Variants in MUC12 observed in about 807,000 individuals in gnomAD.
The protein encoded by MUC12 is mucin-12.
MUC12 carries 172 observed loss-of-function variants against 230.8 expected under a neutral mutation model. The observed-to-expected ratio is 0.75, with a 90% CI of 0.66 to 0.85. The LOEUF is 0.85. Among genes scored for constraint, MUC12 ranks in the 40% least tolerant of loss-of-function variants. The pLI, the probability that MUC12 is intolerant of heterozygous loss-of-function variation, is 0.00. For missense variants in MUC12, 3,506 were observed against 5,920.6 expected (o/e 0.59, Z 13.38); for synonymous variants, 1,259 against 2,401.9 (o/e 0.52, Z 13.91).
chr7:101,010,746 C>A (rs1200443138), intron 5 of MUC12, among the ~76,000 whole-genome samples: 1 of 152,070 alleles, frequency 6.6e-6, no homozygotes, highest in Non-Finnish European at 1.5e-5. Flanking sequence ...AACTCCTGAC[C>A]TCAAGTGATC....
chr7:101,015,189 A>C (rs1793896768), intron 9 of MUC12: 1 of 180,834 alleles, frequency 5.5e-6, no homozygotes, highest in South Asian at 1.3e-4. Context: ...GTAGTTAGTT[A>C]TCACTCACCT....
chr7:101,011,462 T>C (rs745579313), intron 5 of MUC12, among the ~76,000 whole-genome samples: 28 of 152,228 alleles, frequency 1.8e-4, no homozygotes, highest in Non-Finnish European at 4.0e-4. Flanking sequence ...GGTCTTGCTC[T>C]GTTGCCTGAA....
chr7:101,004,840 C>A lies in MUC12; in HGVS notation c.14277C>A (p.Ser4759Arg). Residue 4759 changes from serine to arginine, a missense_variant, in exon 2 of 12, where the codon AGC becomes AGA. By Grantham distance (110) the Ser-to-Arg change is moderately radical. Transcript: ENST00000536621. Reference sequence around the variant, plus strand: ...CACTCTCACCTGCCAGCATGACAAGCTCCAGCATCAGTGGAGAACCCACCA... The same window carrying A: ...CACTCTCACCTGCCAGCATGACAAGATCCAGCATCAGTGGAGAACCCACCA... ...DQTLSPASMT[S>R]SSISGEPTSL... is the part of the protein sequence containing the mutation. 2 of 1,537,142 alleles carry A rather than the reference C, an allele frequency of 1.3e-6. No individual in the cohort carries two copies. The highest frequency in any genetic ancestry group is 2.7e-5 in the African/African-American group (2 of 73,106).
chr7:100,981,431 C>A, intron 1 of MUC12: 1 of 614,210 alleles, frequency 1.6e-6, no homozygotes, highest in South Asian at 1.8e-5. Flanking sequence ...GATGGCAGAG[C>A]CGAGGGCTTT....
At chr7:100,990,598 A>G (rs1450680025) in intron 1 of MUC12, 33 bp from the exon 2 acceptor site, 18 of 1,536,970 alleles carry the variant, frequency 1.2e-5, no homozygotes, top group Non-Finnish European at 1.6e-5. Flanking sequence ...GTCATAAATC[A>G]TAGCACTTTC....
chr7:100,987,169 C>T (rs79045639), intron 1 of MUC12, among the ~76,000 whole-genome samples: 14,362 of 149,354 alleles, frequency 0.096, 1,116 homozygotes, highest in Admixed American at 0.27. Context: ...CTGGTTCAAG[C>T]GACTCTCCTG....
At position 100,992,962 on chromosome 7, in the gene MUC12, T is replaced by C; in HGVS notation, c.2399T>C (p.Ile800Thr). 1.3e-6 allele frequency: 2 copies of C among 1,537,288 alleles called. No homozygotes were observed. The highest frequency in any genetic ancestry group is 1.7e-6 in the Non-Finnish European group (2 of 1,146,998). The change falls in exon 2 of 12, where the codon ATC becomes ACC. Residue 800 changes from isoleucine (I) to threonine (T), a missense_variant. Ile to Thr is a moderately conservative substitution (Grantham distance 89). Coordinates refer to ENST00000536621, the MANE Select transcript of MUC12 (RefSeq NM_001164462.2). The stretch of plus-strand genomic sequence containing the variant: ...CTTGGAGAATCTACGACCTCACCCA[T>C]CAGTTCAGGCTCAATGGAAACGACA... ...VLLGESTTSP[I>T]SSGSMETTAL...
In MUC12 at chr7:100,991,533, T is replaced by A. The variant is rs571182207; in HGVS notation, c.970T>A (p.Leu324Met). The A allele has an allele frequency of 8.1e-5, 125 of 1,537,110 alleles. 2 individuals carry two copies. In the African/African-American group the frequency reaches 1.5e-3, roughly 19 times the overall value. ...TTHFSASSTT[L>M]GHSEESTPVH... Reference sequence around the variant, plus strand: ...CCACTTTTCTGCCAGCTCCACAACCTTGGGCCATAGTGAGGAATCGACACC... The same window carrying A: ...CCACTTTTCTGCCAGCTCCACAACCATGGGCCATAGTGAGGAATCGACACC... Residue 324 changes from leucine to methionine, a missense_variant, in exon 2 of 12, where the codon TTG becomes ATG. By Grantham distance (15) the Leu-to-Met change is conservative. Coordinates refer to ENST00000536621, the MANE Select transcript of MUC12 (RefSeq NM_001164462.2).
chr7:101,008,099 C>T (rs182857828), intron 3 of MUC12, among the ~76,000 whole-genome samples: 10 of 151,420 alleles, frequency 6.6e-5, no homozygotes, highest in Non-Finnish European at 1.0e-4. Context: ...CCACCGCGCC[C>T]GGCCGGTAGC....
intron 9 of MUC12, chr7:101,015,243 A>G: frequency 4.1e-6 from 1 of 241,472 alleles, no homozygotes; most frequent in African/African-American, 2.2e-5. Context: ...GCTGAGATGG[A>G]GCGTCTGGGT....
chr7:100,988,221 A>C (rs1793223869), intron 1 of MUC12, among the ~76,000 whole-genome samples: 1 of 144,464 alleles, frequency 6.9e-6, no homozygotes, highest in African/African-American at 2.6e-5. Context: ...ACTTGAACCC[A>C]GGAGGCGGAG....
At chr7:100,985,048 G>A (rs1793167844) in intron 1 of MUC12, among the ~76,000 whole-genome samples, 2 of 152,154 alleles carry the variant, frequency 1.3e-5, no homozygotes, top group South Asian at 4.2e-4. Flanking sequence ...TGTATTTTTA[G>A]TAGAGATGGG....
At chr7:100,990,426 A>G (rs1793261939) in intron 1 of MUC12, among the ~76,000 whole-genome samples, 1 of 152,138 alleles carries the variant, frequency 6.6e-6, no homozygotes, top group Non-Finnish European at 1.5e-5. Context: ...AAGGTTGGGG[A>G]CTGCTAGTCT....
chr7:101,017,612 C>G lies in MUC12; in HGVS notation c.15915C>G (p.Asn5305Lys), dbSNP rs562943799. The change falls in exon 11 of 12, where the codon AAC becomes AAG. Residue 5305 changes from asparagine to lysine, a missense_variant. By Grantham distance (94) the Asn-to-Lys change is moderately conservative (BLOSUM62 0). Transcript: ENST00000536621. ...GGGAGAGCAGATTCGGCCTTGAGAA[C>G]GCCTACAACAACTTCCGGCCCACCC... is the stretch of plus-strand genomic sequence containing the variant. ...NLRESRFGLE[N>K]AYNNFRPTLE... The G allele has an allele frequency of 1.3e-6, 2 of 1,536,078 alleles. No individual in the cohort carries two copies. The highest frequency in any genetic ancestry group is 2.7e-5 in the African/African-American group (2 of 73,002).
intron 9 of MUC12, 146 bp from the exon 10 acceptor site, chr7:101,015,469 A>T (rs1286489130): frequency 9.1e-6 from 6 of 660,638 alleles, no homozygotes; most frequent in Admixed American, 8.0e-5. Flanking sequence ...TGGTGATGCT[A>T]CTTTTTGTTC....
At chr7:101,010,001 A>C (rs1299665516) in intron 5 of MUC12, among the ~76,000 whole-genome samples, 1 of 152,210 alleles carries the variant, frequency 6.6e-6, no homozygotes, top group Admixed American at 6.5e-5. Flanking sequence ...TAGAGATTGC[A>C]TAAGCAGAAG....
chr7:101,002,893 C>A lies in MUC12; in HGVS notation c.12330C>A (p.Arg4110=), dbSNP rs1368543613. The change falls in exon 2 of 12, where the codon CGC becomes CGA. Residue 4110 remains arginine, a synonymous_variant. Transcript: ENST00000536621. ...AAGTATCCACAACCTACCACAGCCG[C>A]CCGAGCTCAACTCCAACAACACACT... ...PVEVSTTYHS[R]PSSTPTTHFS... The A allele has an allele frequency of 1.5e-5, 18 of 1,199,596 alleles. No individual in the cohort carries two copies. In the Admixed American group the frequency reaches 2.7e-4, roughly 18 times the overall value. 74.3% of individuals were successfully genotyped at this position (1,199,596 alleles called of 1,614,324 possible).
rs1338605144 is a variant in MUC12 at position 100,991,538 on chromosome 7, C to T, written c.975C>T (p.Gly325=). The change falls in exon 2 of 12, where the codon GGC becomes GGT. Residue 325 remains glycine (G), a synonymous_variant. Transcript: ENST00000536621. ...TTTCTGCCAGCTCCACAACCTTGGG[C>T]CATAGTGAGGAATCGACACCAGTCC... ...THFSASSTTL[G]HSEESTPVHS... 4 of 1,537,022 alleles carry T rather than the reference C, an allele frequency of 2.6e-6. No individual in the cohort carries two copies. Among genetic ancestry groups the T allele is most frequent in the Non-Finnish European group, 3.5e-6 (4 of 1,146,326 alleles).
intron 1 of MUC12, among the ~76,000 whole-genome samples, chr7:100,972,707 T>C (rs1792933186): frequency 6.6e-6 from 1 of 152,122 alleles, no homozygotes; most frequent in African/African-American, 2.4e-5. Context: ...GGTTTCACTA[T>C]GTTGGCCAGG....
Sources: allele counts gnomAD v4.1 joint callset (sites outside exome capture counted in the v4.1 genomes callset), GRCh38; gene constraint gnomAD v4.1.1; transcripts MANE v1.5; gene names NCBI Gene and HGNC (gene_info 2026-07-23, HGNC 2026-07-21).